TMEM156: variants seen among roughly 807,000 people sequenced by gnomAD.
TMEM156 encodes the protein transmembrane protein 156.
TMEM156 carries 28 observed loss-of-function variants against 30.5 expected under a neutral mutation model. That is an observed-to-expected ratio of 0.92 (90% CI 0.68 to 1.26). The LOEUF is 1.26. Ranked by LOEUF, TMEM156 falls within the 50% of genes most tolerant of loss-of-function variation. The pLI, the probability that TMEM156 is intolerant of heterozygous loss-of-function variation, is 0.00. For missense variants in TMEM156, 351 were observed against 340.6 expected (o/e 1.03, Z -0.24); for synonymous variants, 137 against 119.9 (o/e 1.14, Z -0.93).
chr4:39,017,476 G>A (rs1456980577), intron 1 of TMEM156, among the ~76,000 whole-genome samples: 1 of 151,922 alleles, frequency 6.6e-6, no homozygotes. Context: ...ACCGCACCCA[G>A]CCCAAGTATG....
intron 1 of TMEM156, among the ~76,000 whole-genome samples, chr4:39,017,982 T>A (rs1262141810): frequency 6.6e-5 from 10 of 152,186 alleles, no homozygotes; most frequent in Non-Finnish European, 1.3e-4. Flanking sequence ...CCCATTTACA[T>A]TTACTGGGAT....
At chr4:38,990,830 G>GTTTTTTTTTTTTGTTTTT (rs1560365255) in intron 3 of TMEM156, among the ~76,000 whole-genome samples, 7 of 81,216 alleles carry the variant, frequency 8.6e-5, no homozygotes, top group African/African-American at 3.2e-4. Flanking sequence ...TTGTTTTCTG[G>GTTTTTTTTTTTTGTTTTT]TTTTTTTTTT....
chr4:38,973,773 C>T (rs112069373), intron 5 of TMEM156, among the ~76,000 whole-genome samples: 36 of 152,232 alleles, frequency 2.4e-4, no homozygotes, highest in African/African-American at 6.5e-4. Context: ...ATTTCTGGCT[C>T]GGCAGGGCAC....
chr4:38,987,034 C>T (rs767660786), intron 4 of TMEM156, among the ~76,000 whole-genome samples: 12 of 151,978 alleles, frequency 7.9e-5, no homozygotes, highest in Admixed American at 2.6e-4. Context: ...CTAAGTCTGT[C>T]ATTTGGGCAG....
chr4:38,983,258 A>G (rs1208331453), intron 5 of TMEM156, among the ~76,000 whole-genome samples: 1 of 152,138 alleles, frequency 6.6e-6, no homozygotes. Context: ...TTTTCCAACA[A>G]ATGTCCTCTC....
intron 1 of TMEM156, chr4:39,028,375 T>C (rs540703094): frequency 1.3e-5 from 2 of 152,352 alleles, no homozygotes; most frequent in South Asian, 4.1e-4. Flanking sequence ...TAGGTGATCA[T>C]TTGAACTCTG....
intron 1 of TMEM156, among the ~76,000 whole-genome samples, chr4:39,020,637 C>T (rs1714804147): frequency 6.6e-6 from 1 of 152,034 alleles, no homozygotes; most frequent in South Asian, 2.1e-4. Flanking sequence ...CTGCAACCTC[C>T]ACCTCCCGTT....
chr4:38,996,398 T>G (rs1311446394), intron 2 of TMEM156, among the ~76,000 whole-genome samples: 5 of 128,238 alleles, frequency 3.9e-5, no homozygotes, highest in Non-Finnish European at 6.5e-5. Flanking sequence ...CCGTCTCTAC[T>G]AAAAATACAA....
At chr4:38,990,262 C>T (rs1712326138) in intron 3 of TMEM156, among the ~76,000 whole-genome samples, 1 of 152,194 alleles carries the variant, frequency 6.6e-6, no homozygotes, top group African/African-American at 2.4e-5. Context: ...CCCAGATGTA[C>T]ACTAAATAGG....
At chr4:38,992,757 TATA>T (rs1712616762) in intron 3 of TMEM156, among the ~76,000 whole-genome samples, 1 of 65,504 alleles carries the variant, frequency 1.5e-5, no homozygotes, top group African/African-American at 5.4e-5. Context: ...ATTATATATA[TATA>T]TATTTTTTTT....
At chr4:38,981,191 A>G (rs1046876013) in intron 5 of TMEM156, among the ~76,000 whole-genome samples, 2 of 152,246 alleles carry the variant, frequency 1.3e-5, no homozygotes, top group African/African-American at 2.4e-5. Flanking sequence ...TCTCATCTGC[A>G]GGAAGTTGAA....
At chr4:38,978,854 C>A (rs1348940178) in intron 5 of TMEM156, among the ~76,000 whole-genome samples, 1 of 152,072 alleles carries the variant, frequency 6.6e-6, no homozygotes, top group East Asian at 1.9e-4. Flanking sequence ...ACAATCACAT[C>A]TCATTGCAGC....
Position 38,993,941 on chromosome 4 carries a change from T to TGAA in TMEM156, c.415_416insTTC (p.Cys138_Gln139insLeu). ...AGGAGCTACACTGAAGTTAAAGTGCTGACAAGGTGAATGAAAATCATTTGC... is the reference window on the plus strand; with the variant it reads ...AGGAGCTACACTGAAGTTAAAGTGCTGAAGACAAGGTGAATGAAAATCATTTGC... On this transcript the variant is annotated inframe_insertion, in exon 3 of 7. Coordinates refer to ENST00000381938, the MANE Select transcript of TMEM156 (RefSeq NM_024943.3). The TGAA allele has an allele frequency of 6.2e-7, 1 of 1,614,112 alleles. No individual in the cohort carries two copies. The highest frequency in any genetic ancestry group is 8.5e-7 in the Non-Finnish European group (1 of 1,179,966).
intron 6 of TMEM156, among the ~76,000 whole-genome samples, chr4:38,970,574 A>T (rs960673066): frequency 6.6e-6 from 1 of 152,182 alleles, no homozygotes; most frequent in Non-Finnish European, 1.5e-5. Context: ...ATAAAAAAAA[A>T]TTTCAACACT....
intron 5 of TMEM156, among the ~76,000 whole-genome samples, chr4:38,977,039 G>A (rs1290156000): frequency 1.3e-5 from 2 of 152,094 alleles, no homozygotes; most frequent in South Asian, 2.1e-4. Flanking sequence ...CTGAGAAGCC[G>A]GGACTGCAAG....
chr4:39,023,930 A>G (rs1377953001), intron 1 of TMEM156, among the ~76,000 whole-genome samples: 1 of 152,264 alleles, frequency 6.6e-6, no homozygotes, highest in Non-Finnish European at 1.5e-5. Flanking sequence ...TACACAAAAT[A>G]AAAGAAGAGA....
At chr4:38,985,668 C>T (rs1360093184) in intron 5 of TMEM156, among the ~76,000 whole-genome samples, 5 of 152,160 alleles carry the variant, frequency 3.3e-5, no homozygotes, top group Non-Finnish European at 7.4e-5. Flanking sequence ...GGTAACAGCA[C>T]TCATAATTCT....
intron 5 of TMEM156, among the ~76,000 whole-genome samples, chr4:38,972,982 C>A (rs1271615844): frequency 6.6e-6 from 1 of 152,018 alleles, no homozygotes; most frequent in Non-Finnish European, 1.5e-5. Context: ...TTAGAAAGAC[C>A]AATTTTGCAG....
At chr4:38,970,573 A>AG (rs1223230012) in intron 6 of TMEM156, among the ~76,000 whole-genome samples, 2 of 152,200 alleles carry the variant, frequency 1.3e-5, no homozygotes, top group Non-Finnish European at 2.9e-5. Flanking sequence ...AATAAAAAAA[A>AG]ATTTCAACAC....
Sources: allele counts gnomAD v4.1 joint callset (sites outside exome capture counted in the v4.1 genomes callset), GRCh38; gene constraint gnomAD v4.1.1; transcripts MANE v1.5; gene names NCBI Gene and HGNC (gene_info 2026-07-23, HGNC 2026-07-21).